MACROD2: variants seen among roughly 807,000 people sequenced by gnomAD.
MACROD2 encodes mono-ADP ribosylhydrolase 2.
Under a neutral mutation model 70.4 loss-of-function variants are expected in MACROD2, and 36 were observed. The ratio of observed to expected loss-of-function variants is 0.51; its 90% CI spans 0.39 to 0.68. MACROD2 has a LOEUF of 0.68. Among genes scored for constraint, MACROD2 ranks in the 30% least tolerant of loss-of-function variants. The pLI, the probability that MACROD2 is intolerant of heterozygous loss-of-function variation, is 0.00. For missense variants in MACROD2, 496 were observed against 538.4 expected (o/e 0.92, Z 0.78); for synonymous variants, 172 against 178.8 (o/e 0.96, Z 0.30).
At chr20:15,373,471 C>G (rs770734952) in intron 6 of MACROD2, among the ~76,000 whole-genome samples, 1 of 152,202 alleles carries the variant, frequency 6.6e-6, no homozygotes, top group Non-Finnish European at 1.5e-5. Flanking sequence ...GTGGCACCAT[C>G]ATAGCTCACT....
intron 5 of MACROD2, among the ~76,000 whole-genome samples, chr20:15,133,129 T>C (rs2076118838): frequency 6.6e-6 from 1 of 152,056 alleles, no homozygotes; most frequent in South Asian, 2.1e-4. Flanking sequence ...GTACTTAGAA[T>C]CTTGGCAGAG....
rs533919105 is a variant in MACROD2, at chr20:14,449,215, G to C, written c.272-44264G>C. On this transcript the variant is annotated intron_variant, in intron 3 of 17. Coordinates refer to ENST00000684519, the MANE Select transcript of MACROD2 (RefSeq NM_001351661.2). ...AAATGCTTGACAGATTAATTTTTCT[G>C]CATCACAATTGAAAAAGTTGCTCTT... Among the ~76,000 whole-genome samples the C allele has an allele frequency of 1.6e-3, 237 of 152,058 alleles. 2 individuals carry two copies. The highest frequency in any genetic ancestry group is 1.0e-3 in the Non-Finnish European group (71 of 68,020).
intron 4 of MACROD2, among the ~76,000 whole-genome samples, chr20:14,679,723 C>T (rs1036548639): frequency 1.5e-5 from 2 of 130,404 alleles, no homozygotes; most frequent in East Asian, 2.2e-4. Context: ...ATTACCATTG[C>T]CCTTTTCTCC....
intron 15 of MACROD2, among the ~76,000 whole-genome samples, chr20:15,995,298 A>G (rs2066612144): frequency 1.3e-5 from 2 of 151,964 alleles, no homozygotes; most frequent in Non-Finnish European, 2.9e-5. Context: ...GGCTCATCCC[A>G]AGCATAGAGC....
At chr20:14,851,361 A>T (rs2073197674) in intron 5 of MACROD2, among the ~76,000 whole-genome samples, 1 of 152,162 alleles carries the variant, frequency 6.6e-6, no homozygotes, top group African/African-American at 2.4e-5. Flanking sequence ...AGCACAGAAC[A>T]ATTACAATGG....
intron 8 of MACROD2, among the ~76,000 whole-genome samples, chr20:15,562,661 G>A (rs2048259919): frequency 6.6e-6 from 1 of 152,116 alleles, no homozygotes; most frequent in Non-Finnish European, 1.5e-5. Context: ...TTTAATCATT[G>A]GGATGATTAC....
chr20:14,471,790 G>A (rs1231078982), intron 3 of MACROD2, among the ~76,000 whole-genome samples: 3 of 152,100 alleles, frequency 2.0e-5, no homozygotes, highest in African/African-American at 7.2e-5. Flanking sequence ...GAAAATTATT[G>A]AGGGGTAAAA....
chr20:15,039,889 T>G (rs2075342117), intron 5 of MACROD2, among the ~76,000 whole-genome samples: 2 of 152,290 alleles, frequency 1.3e-5, no homozygotes, highest in South Asian at 4.1e-4. Context: ...TGTTGTAAAG[T>G]TTTGGATGCT....
rs541345604 is a variant in MACROD2 at position 15,874,322 on chromosome 20, C to T, written c.728-11442C>T. Among the ~76,000 whole-genome samples the T allele has an allele frequency of 5.9e-5, 9 of 152,084 alleles. 2 individuals carry two copies. Among genetic ancestry groups the T allele is most frequent in the African/African-American group, 2.2e-4 (9 of 41,476 alleles). ...CTTTATCCAGTCTATTATTGATGGA[C>T]ATTTGGGTTGGTTCCAAGTCTTTGC... On this transcript the variant is annotated intron_variant, in intron 9 of 17. Transcript: ENST00000684519.
At chr20:14,804,240 T>G (rs928631411) in intron 5 of MACROD2, among the ~76,000 whole-genome samples, 1 of 152,034 alleles carries the variant, frequency 6.6e-6, no homozygotes, top group African/African-American at 2.4e-5. Flanking sequence ...TATTTGGCTG[T>G]TTTTATTTTT....
In MACROD2 at chr20:15,556,651, T is replaced by G. The variant is rs1298117919; in HGVS notation, c.645+56804T>G. 2.0e-5 allele frequency among the ~76,000 whole-genome samples: 3 copies of G among 152,160 alleles called. No individual in the cohort carries two copies. The East Asian group carries it at 5.8e-4, about 29-fold the overall frequency. ...TGCTTAGTATTCATGTTTTAGAAAA[T>G]AAGAAAAGCATTTGGGAGATATTAC... On this transcript the variant is annotated intron_variant, in intron 8 of 17. Transcript: ENST00000684519.
At chr20:15,150,023 C>T (rs1277144605) in intron 5 of MACROD2, among the ~76,000 whole-genome samples, 1 of 148,532 alleles carries the variant, frequency 6.7e-6, no homozygotes, top group African/African-American at 2.4e-5. Flanking sequence ...CCAACCATGC[C>T]CAGGAAGGAA....
At chr20:14,721,464 T>C (rs538428705) in intron 5 of MACROD2, among the ~76,000 whole-genome samples, 6 of 152,148 alleles carry the variant, frequency 3.9e-5, no homozygotes, top group Non-Finnish European at 5.9e-5. Context: ...CCAATCTAGA[T>C]GTGTTTAAAA....
intron 5 of MACROD2, among the ~76,000 whole-genome samples, chr20:15,062,903 AC>A (rs1266150749): frequency 2.0e-5 from 3 of 152,208 alleles, no homozygotes; most frequent in Admixed American, 6.5e-5. Flanking sequence ...CCCCAGGGAC[AC>A]CATCAAGAGG....
rs71190199 is a variant in MACROD2 at position 15,777,652 on chromosome 20, C to CTCTCTCTCTCTT, written c.646-85090_646-85089insCTCTCTCTTTCT. Among the ~76,000 whole-genome samples, 14 of 134,964 alleles carry CTCTCTCTCTCTT rather than the reference C, an allele frequency of 1.0e-4. 1 individual carries two copies. Among genetic ancestry groups the CTCTCTCTCTCTT allele is most frequent in the African/African-American group, 3.6e-4 (13 of 36,148 alleles). The allele number at this position is 134,964 out of a possible 152,430, so 88.5% of individuals were successfully genotyped here. On this transcript the variant is annotated intron_variant, in intron 8 of 17. Transcript: ENST00000684519. ...CTCCTTCCTTCCTCTCTCTCTCTCT[C>CTCTCTCTCTCTT]TCTTTCTTTCGAGACAGAGTCTCAC... is the stretch of plus-strand genomic sequence containing the variant.
At chr20:15,103,278 T>G (rs1013982499) in intron 5 of MACROD2, among the ~76,000 whole-genome samples, 4 of 152,168 alleles carry the variant, frequency 2.6e-5, no homozygotes, top group Non-Finnish European at 5.9e-5. Context: ...AGTCACACGG[T>G]GGCTACTGAG....
intron 4 of MACROD2, among the ~76,000 whole-genome samples, chr20:14,538,312 G>A (rs1011961727): frequency 1.3e-5 from 2 of 152,148 alleles, no homozygotes; most frequent in Non-Finnish European, 2.9e-5. Context: ...AATATCCCTG[G>A]TCCTCATGCC....
chr20:14,013,398 G>C (rs564528403), intron 2 of MACROD2, among the ~76,000 whole-genome samples: 1 of 150,478 alleles, frequency 6.6e-6, no homozygotes, highest in Non-Finnish European at 1.5e-5. Context: ...TCAGCCTCCC[G>C]AGTAGCTAGG....
chr20:14,470,646 A>G (rs1267866574), intron 3 of MACROD2, among the ~76,000 whole-genome samples: 1 of 152,036 alleles, frequency 6.6e-6, no homozygotes, highest in African/African-American at 2.4e-5. Context: ...CTAGAGAGGC[A>G]GTCTGGCTAC....
Sources: gnomAD v4.1 joint callset for allele counts (sites outside exome capture counted in the v4.1 genomes callset) on GRCh38, gnomAD v4.1.1 for gene constraint, MANE v1.5 for transcripts, NCBI Gene and HGNC (gene_info 2026-07-23, HGNC 2026-07-21) for gene names.